CEP78: variants seen among roughly 807,000 people sequenced by gnomAD.
CEP78 encodes centrosomal protein 78.
In CEP78, 76 loss-of-function variants were observed where a neutral mutation model predicts 81.2. The observed-to-expected ratio is 0.94, with a 90% confidence interval of 0.78 to 1.13. CEP78 has a LOEUF of 1.13. CEP78 is among the 50% of genes most tolerant of loss of function. The pLI is 0.00. For synonymous variants in CEP78, 293 were observed against 301.4 expected (o/e 0.97, Z 0.29); for missense variants, 918 against 846.8 (o/e 1.08, Z -1.04).
chr9:78,237,536 A>G (rs1826013715), intron 1 of CEP78, among the ~76,000 whole-genome samples: 1 of 152,180 alleles, frequency 6.6e-6, no homozygotes, highest in African/African-American at 2.4e-5. Flanking sequence ...TTTTGGAAAT[A>G]GGAGAGAGTA....
chr9:78,265,890 A>C lies in CEP78; in HGVS notation c.1829A>C (p.Glu610Ala), dbSNP rs1219881701. Residue 610 changes from glutamate to alanine, a missense_variant, in exon 15 of 17, where the codon GAA becomes GCA. Transcript: ENST00000643273. ...ATTTGTATGCAGTCAGCTTACAATG[A>C]AGGAACACTAATGAAGGTACAAGTA... ...VSICMQSAYN[E>A]GTLMKFQKIT... 8 of 1,385,224 alleles carry C rather than the reference A, an allele frequency of 5.8e-6. No homozygotes were observed. In the Admixed American group the frequency reaches 7.9e-5, roughly 14 times the overall value. 85.8% of individuals were successfully genotyped at this position (1,385,224 alleles called of 1,614,324 possible). A position where few individuals can be genotyped will look rare whatever the true frequency, so the allele number is the denominator to read the frequency against.
chr9:78,264,022 T>C (rs936413704), intron 12 of CEP78, 128 bp from the exon 13 acceptor site: 8 of 603,272 alleles, frequency 1.3e-5, no homozygotes, highest in South Asian at 3.2e-5. Flanking sequence ...GGTCTGTCTT[T>C]ACTGGTAGAG....
Position 78,266,642 on chromosome 9 carries a change from A to G in CEP78, c.2046A>G (p.Gln682=). The change falls in exon 16 of 17, where the codon CAA becomes CAG. Residue 682 remains glutamine, a synonymous_variant. Transcript: ENST00000643273. ...ATGCGACTTCTGGAACTGGAAGTCA[A>G]AGAAAAGAAGAGGAGTTGTCCAGAA... ...SPDATSGTGS[Q]RKEEELSRNS... The G allele has an allele frequency of 1.9e-6, 3 of 1,612,638 alleles. No homozygotes were observed. The highest frequency in any genetic ancestry group is 2.5e-6 in the Non-Finnish European group (3 of 1,179,166).
chr9:78,238,738 T>C (rs1368685263), intron 1 of CEP78, among the ~76,000 whole-genome samples: 3 of 152,156 alleles, frequency 2.0e-5, no homozygotes. Flanking sequence ...TACCTCTGAA[T>C]GGACTTTAGT....
intron 3 of CEP78, among the ~76,000 whole-genome samples, chr9:78,240,736 G>A (rs976151017): frequency 4.6e-5 from 7 of 152,110 alleles, no homozygotes; most frequent in Non-Finnish European, 7.4e-5. Context: ...CGACGTGGGC[G>A]GATCATGAGG....
intron 1 of CEP78, among the ~76,000 whole-genome samples, chr9:78,239,791 A>G (rs1319653566): frequency 1.3e-5 from 2 of 152,120 alleles, no homozygotes; most frequent in Non-Finnish European, 2.9e-5. Flanking sequence ...ATCTTTCTAG[A>G]TTCAGCTTCA....
chr9:78,262,814 G>A (rs555949447), intron 11 of CEP78, 93 bp from the exon 12 acceptor site: 9 of 669,800 alleles, frequency 1.3e-5, no homozygotes, highest in East Asian at 5.7e-5. Flanking sequence ...TTCTGGCTCT[G>A]TCCCTAAACA....
chr9:78,239,390 T>C (rs572558938), intron 1 of CEP78, among the ~76,000 whole-genome samples: 1 of 152,336 alleles, frequency 6.6e-6, no homozygotes, highest in South Asian at 2.1e-4. Context: ...TATTGGTTGC[T>C]TGTGTTCTGC....
rs931305221 is a variant in CEP78 at position 78,277,349 on chromosome 9, A to C, written c.*6498A>C. 16 of 152,176 alleles carry C rather than the reference A, an allele frequency of 1.1e-4. No individual in the cohort carries two copies. The highest frequency in any genetic ancestry group is 3.9e-4 in the African/African-American group (16 of 41,458). 9.4% of individuals were successfully genotyped at this position (152,176 alleles called of 1,614,324 possible). Reference sequence around the variant, plus strand: ...CTTTTTACAAAACTTTGATAAAATTAGATTTCATAAATAAAGGAGTGGGAA... The same window carrying C: ...CTTTTTACAAAACTTTGATAAAATTCGATTTCATAAATAAAGGAGTGGGAA... On this transcript the variant is annotated 3_prime_UTR_variant, in exon 17 of 17. Transcript: ENST00000643273.
chr9:78,272,770 T>C lies in CEP78; in HGVS notation c.*1919T>C, dbSNP rs565927703. 2.6e-5 allele frequency: 4 copies of C among 152,378 alleles called. No homozygotes were observed. The highest frequency in any genetic ancestry group is 5.9e-5 in the Non-Finnish European group (4 of 68,036). 9.4% of individuals were successfully genotyped at this position (152,378 alleles called of 1,614,324 possible). A position where few individuals can be genotyped will look rare whatever the true frequency, so the allele number is the denominator to read the frequency against. On this transcript the variant is annotated 3_prime_UTR_variant, in exon 17 of 17. Coordinates refer to ENST00000643273, the MANE Select transcript of CEP78 (RefSeq NM_001330691.3). ...CTTTGGCAGATTGGCTAGAGGCCCCTATTCAACATCAACCTCAATCTGGAA... is the reference window on the plus strand; with the variant it reads ...CTTTGGCAGATTGGCTAGAGGCCCCCATTCAACATCAACCTCAATCTGGAA...
chr9:78,240,217 T>C (rs1425305535), intron 2 of CEP78, 22 bp downstream of exon 2: 1 of 1,612,862 alleles, frequency 6.2e-7, no homozygotes, highest in East Asian at 2.2e-5. Flanking sequence ...CTCATTTGGC[T>C]TGTAGACATT....
chr9:78,256,298 G>T (rs879608967), intron 11 of CEP78, among the ~76,000 whole-genome samples: 1 of 152,142 alleles, frequency 6.6e-6, no homozygotes, highest in African/African-American at 2.4e-5. Context: ...GGAGCTCCTT[G>T]ACAGTTTGTA....
rs192217051 is a variant in CEP78, at chr9:78,243,866, T to C, written c.778+230T>C. On this transcript the variant is annotated intron_variant, in intron 5 of 16. Transcript: ENST00000643273. ...AATCTCAATGCCTAGAGATAAACTG[T>C]TCATTTTGGTGTATACACTTTCAGT... Among the ~76,000 whole-genome samples, 792 of 151,668 alleles carry C rather than the reference T, an allele frequency of 5.2e-3. 5 individuals are homozygous for C. Among genetic ancestry groups the C allele is most frequent in the Middle Eastern group, 0.01 (3 of 292 alleles).
At position 78,243,557 on chromosome 9, in the gene CEP78, A is replaced by G; in HGVS notation, c.699A>G (p.Thr233=). The change falls in exon 5 of 17, where the codon ACA becomes ACG. Residue 233 remains threonine, a synonymous_variant. Coordinates refer to ENST00000643273, the MANE Select transcript of CEP78 (RefSeq NM_001330691.3). Reference sequence around the variant, plus strand: ...GTATGGCTGGCTTAAGACGTATCACACTGAATTGCAACACACTTATTGGTG... The same window carrying G: ...GTATGGCTGGCTTAAGACGTATCACGCTGAATTGCAACACACTTATTGGTG... The part of the protein sequence containing the change: ...LDCMAGLRRI[T]LNCNTLIGDL... 1 of 1,613,934 alleles carries G rather than the reference A, an allele frequency of 6.2e-7. No homozygotes were observed. Among genetic ancestry groups the G allele is most frequent in the Admixed American group, 1.7e-5 (1 of 60,026 alleles).
At chr9:78,242,430 C>T (rs4877503) in intron 4 of CEP78, among the ~76,000 whole-genome samples, 48,364 of 152,006 alleles carry the variant, frequency 0.32, 8,437 homozygotes, top group Middle Eastern at 0.43. Context: ...GGCTAAAACC[C>T]GAGCTCTCTC....
At position 78,246,715 on chromosome 9, in the gene CEP78, T is replaced by C; in HGVS notation, c.825T>C (p.Ala275=). The C allele has an allele frequency of 6.2e-7, 1 of 1,611,568 alleles. No individual in the cohort carries two copies. Among genetic ancestry groups the C allele is most frequent in the Non-Finnish European group, 8.5e-7 (1 of 1,178,916 alleles). Residue 275 remains alanine (A), a synonymous_variant, in exon 6 of 17, where the codon GCT becomes GCC. Transcript: ENST00000643273. ...QCGLTNEGAK[A]LLEALETNTT... ...GCCTCACCAATGAAGGAGCAAAGGC[T>C]TTGCTAGAGGCCCTTGAAACCAATA...
chr9:78,249,015 G>T (rs1826634586), intron 8 of CEP78, 142 bp downstream of exon 8: 1 of 364,574 alleles, frequency 2.7e-6, no homozygotes, highest in South Asian at 6.9e-5. Flanking sequence ...GTTCTGATAA[G>T]ATTATGAGAA....
At chr9:78,246,808 G>C in intron 6 of CEP78, 26 bp downstream of exon 6, 2 of 1,290,090 alleles carry the variant, frequency 1.6e-6, no homozygotes, top group Non-Finnish European at 2.2e-6. Context: ...ATTTTTTATT[G>C]ACTAACAAAT....
chr9:78,237,115 G>C (rs1825991495), intron 1 of CEP78, among the ~76,000 whole-genome samples: 1 of 151,132 alleles, frequency 6.6e-6, no homozygotes, highest in South Asian at 2.1e-4. Flanking sequence ...CGAGTAGCTG[G>C]GATTACAGGC....
Sources: gnomAD v4.1 joint callset for allele counts (sites outside exome capture counted in the v4.1 genomes callset) on GRCh38, gnomAD v4.1.1 for gene constraint, MANE v1.5 for transcripts, NCBI Gene and HGNC (gene_info 2026-07-23, HGNC 2026-07-21) for gene names.